Variants in RETREG3 observed in about 807,000 individuals in gnomAD.
RETREG3 encodes the protein reticulophagy regulator 3.
Under a neutral mutation model 50.2 loss-of-function variants are expected in RETREG3, and 23 were observed. The ratio of observed to expected loss-of-function variants is 0.46; its 90% CI spans 0.33 to 0.65. The LOEUF (loss-of-function observed/expected upper bound fraction) is 0.65. Ranked by LOEUF, RETREG3 falls within the 30% of genes least tolerant of loss-of-function variation. RETREG3 has a pLI of 0.02. For synonymous variants in RETREG3, 240 were observed against 234.4 expected (o/e 1.02, Z -0.22); for missense variants, 546 against 598.0 (o/e 0.91, Z 0.91).
chr17:42,604,551 T>G (rs1298637088), intron 1 of RETREG3, among the ~76,000 whole-genome samples: 1 of 151,882 alleles, frequency 6.6e-6, no homozygotes, highest in Non-Finnish European at 1.5e-5. Context: ...GTGCCTCTAG[T>G]CCCAGCTACT....
chr17:42,582,713 G>C lies in RETREG3; in HGVS notation c.904C>G (p.Leu302Val). 1 of 1,614,248 alleles carries C rather than the reference G, an allele frequency of 6.2e-7. No homozygotes were observed. Among genetic ancestry groups the C allele is most frequent in the East Asian group, 2.2e-5 (1 of 44,888 alleles). Residue 302 changes from leucine (L) to valine (V), a missense_variant, in exon 8 of 9, where the codon CTT becomes GTT. Transcript: ENST00000309428. ...GTTAGAGGTGTTTGGCCCCTTGAAA[G>C]ATTGAATGTGCCATTGTCTGTACAG... ...VSCTDNGTFN[L>V]SRGQTPLTEG...
intron 6 of RETREG3, 39 bp downstream of exon 6, chr17:42,585,086 A>C (rs773128245): frequency 8.7e-6 from 14 of 1,603,430 alleles, no homozygotes; most frequent in Non-Finnish European, 3.4e-6. Flanking sequence ...TTTTCGCCCC[A>C]AATTGCGTAA....
Position 42,609,069 on chromosome 17 carries a change from G to A in RETREG3, c.239+17C>T. 1 of 1,599,934 alleles carries A rather than the reference G, an allele frequency of 6.3e-7. No homozygotes were observed. Among genetic ancestry groups the A allele is most frequent in the South Asian group, 1.1e-5 (1 of 90,858 alleles). On this transcript the variant is annotated intron_variant, in intron 1 of 8. Coordinates refer to ENST00000309428, the MANE Select transcript of RETREG3 (RefSeq NM_178126.4). ...AATTCGGGACTCGGAGGGTTTCCGAGGGTCCAGTTCTCTCACCAGAAAGCC... is the reference window on the plus strand; with the variant it reads ...AATTCGGGACTCGGAGGGTTTCCGAAGGTCCAGTTCTCTCACCAGAAAGCC...
intron 1 of RETREG3, among the ~76,000 whole-genome samples, chr17:42,594,884 C>G (rs2093140818): frequency 6.6e-6 from 1 of 150,968 alleles, no homozygotes; most frequent in African/African-American, 2.4e-5. Context: ...GTTTATCCGG[C>G]TGTACATTTG....
At chr17:42,596,667 A>C (rs539635381) in intron 1 of RETREG3, 1 of 152,260 alleles carries the variant, frequency 6.6e-6, no homozygotes, top group East Asian at 1.9e-4. Flanking sequence ...TATATACAAA[A>C]TACATCAATC....
intron 2 of RETREG3, 54 bp downstream of exon 2, chr17:42,592,002 A>T: frequency 6.8e-7 from 1 of 1,464,766 alleles, no homozygotes; most frequent in South Asian, 1.2e-5. Context: ...AAAGGTACAA[A>T]TTATAGGAAA....
chr17:42,581,096 A>T lies in RETREG3; in HGVS notation c.*717T>A, dbSNP rs1451912101. ...AAAAATCAAATCCTGGTTTAACAAA[A>T]GATGACGACTAATCCCAGCACTCTG... On this transcript the variant is annotated 3_prime_UTR_variant, in exon 9 of 9. Transcript: ENST00000309428. 1 of 151,802 alleles carries T rather than the reference A, an allele frequency of 6.6e-6. No individual in the cohort carries two copies. Among genetic ancestry groups the T allele is most frequent in the Non-Finnish European group, 1.5e-5 (1 of 68,160 alleles). The allele number at this position is 151,802 out of a possible 1,614,324, so 9.4% of individuals were successfully genotyped here. A position where few individuals can be genotyped will look rare whatever the true frequency, so the allele number is the denominator to read the frequency against.
intron 1 of RETREG3, among the ~76,000 whole-genome samples, chr17:42,604,506 C>T (rs753350693): frequency 4.6e-5 from 7 of 151,846 alleles, no homozygotes; most frequent in Non-Finnish European, 8.8e-5. Context: ...TCTGTCTCTA[C>T]AAAAGTTTTG....
intron 1 of RETREG3, among the ~76,000 whole-genome samples, chr17:42,607,322 G>A (rs1416743185): frequency 4.6e-5 from 7 of 150,806 alleles, no homozygotes; most frequent in African/African-American, 1.7e-4. Context: ...AATATAGTGA[G>A]ACCCTGTCTC....
In RETREG3 at chr17:42,579,930, C is replaced by T. The variant is rs531252311; in HGVS notation, c.*1883G>A. 6.5e-6 allele frequency: 1 copy of T among 153,142 alleles called. No homozygotes were observed. The highest frequency in any genetic ancestry group is 1.9e-4 in the East Asian group (1 of 5,326). The allele number at this position is 153,142 out of a possible 1,614,324, so 9.5% of individuals were successfully genotyped here. On this transcript the variant is annotated 3_prime_UTR_variant, in exon 9 of 9. Coordinates refer to ENST00000309428, the MANE Select transcript of RETREG3 (RefSeq NM_178126.4). ...GAGCAAACATGTCAGCACACCCCCA[C>T]CTGCAGTACATGAAAACAGGCTCTG...
chr17:42,595,795 C>T (rs1318320321), intron 1 of RETREG3, among the ~76,000 whole-genome samples: 5 of 149,362 alleles, frequency 3.3e-5, no homozygotes, highest in African/African-American at 7.4e-5. Context: ...TGCCTCAGCG[C>T]GCTGAGGCAG....
Position 42,579,747 on chromosome 17 carries a change from G to GA in RETREG3, c.*2065dup, listed in dbSNP as rs2093103209. ...TCCTGTCTTTCCACATCAGAGCTCTGAACTTGAGAGGTGTCAAAAGTCTGT... is the reference window on the plus strand; with the variant it reads ...TCCTGTCTTTCCACATCAGAGCTCTGAAACTTGAGAGGTGTCAAAAGTCTGT... On this transcript the variant is annotated 3_prime_UTR_variant, in exon 9 of 9. Coordinates refer to ENST00000309428, the MANE Select transcript of RETREG3 (RefSeq NM_178126.4). 1 of 152,762 alleles carries GA rather than the reference G, an allele frequency of 6.5e-6. No homozygotes were observed. Among genetic ancestry groups the GA allele is most frequent in the South Asian group, 2.1e-4 (1 of 4,830 alleles). The allele number at this position is 152,762 out of a possible 1,614,324, so 9.5% of individuals were successfully genotyped here. A position where few individuals can be genotyped will look rare whatever the true frequency, so the allele number is the denominator to read the frequency against.
Position 42,581,890 on chromosome 17 carries a change from C to T in RETREG3, c.1324G>A (p.Ala442Thr). 6.2e-7 allele frequency: 1 copy of T among 1,613,926 alleles called. No homozygotes were observed. The highest frequency in any genetic ancestry group is 1.3e-5 in the African/African-American group (1 of 75,052). The part of the protein sequence containing the change: ...RSPSSDLDTD[A>T]EGDDFELLDQ... ...AGAAGTTCAAAGTCATCCCCCTCAG[C>T]ATCAGTGTCCAGGTCTGAACTGGGG... Residue 442 changes from alanine (A) to threonine (T), a missense_variant, in exon 9 of 9, where the codon GCT (alanine) becomes ACT (threonine). Transcript: ENST00000309428.
chr17:42,582,355 C>A (rs981598001), intron 8 of RETREG3, 85 bp from the exon 9 acceptor site: 2 of 1,355,524 alleles, frequency 1.5e-6, no homozygotes, highest in African/African-American at 1.4e-5. Context: ...TTTTCCCACC[C>A]TGGCTTTCTC....
chr17:42,586,710 A>G, intron 4 of RETREG3, 55 bp downstream of exon 4: 1 of 1,592,634 alleles, frequency 6.3e-7, no homozygotes, highest in Non-Finnish European at 8.6e-7. Context: ...GTTTCAGTTT[A>G]GCATGAACTG....
chr17:42,605,560 GA>G (rs1275563339), intron 1 of RETREG3, among the ~76,000 whole-genome samples: 5 of 152,122 alleles, frequency 3.3e-5, no homozygotes, highest in Non-Finnish European at 5.9e-5. Context: ...ACCTACCAAG[GA>G]AGCTCATTTC....
Position 42,586,089 on chromosome 17 carries a change from G to T in RETREG3, c.553C>A (p.Arg185Ser). The stretch of plus-strand genomic sequence containing the variant: ...GACAGCAGAAGCCCAGGGACGTAGC[G>T]GCCCAAGACAGCCAAAAAGGTCAGT... ...GILTFLAVLG[R>S]YVPGLLLSYL... is the part of the protein sequence containing the mutation. The change falls in exon 5 of 9, where the codon CGC becomes AGC. Residue 185 changes from arginine to serine, a missense_variant. Physicochemically the swap from Arg to Ser is moderately radical, Grantham distance 110. Coordinates refer to ENST00000309428, the MANE Select transcript of RETREG3 (RefSeq NM_178126.4). The T allele has an allele frequency of 6.2e-7, 1 of 1,614,052 alleles. No homozygotes were observed. The highest frequency in any genetic ancestry group is 8.5e-7 in the Non-Finnish European group (1 of 1,180,006).
At chr17:42,582,950 A>C in intron 7 of RETREG3, 144 bp from the exon 8 acceptor site, 1 of 1,072,594 alleles carries the variant, frequency 9.3e-7, no homozygotes, top group Non-Finnish European at 1.3e-6. Flanking sequence ...CTTCCCGTTG[A>C]AAACTCCCTC....
At chr17:42,587,406 C>T (rs570243515) in intron 3 of RETREG3, among the ~76,000 whole-genome samples, 22 of 152,352 alleles carry the variant, frequency 1.4e-4, no homozygotes, top group Middle Eastern at 3.4e-3. Flanking sequence ...CTGTAAGACA[C>T]AAGAGGAATC....
Sources: gnomAD v4.1 joint callset for allele counts (sites outside exome capture counted in the v4.1 genomes callset) on GRCh38, gnomAD v4.1.1 for gene constraint, MANE v1.5 for transcripts, NCBI Gene and HGNC (gene_info 2026-07-23, HGNC 2026-07-21) for gene names.